LDHAL6A: variants seen among roughly 807,000 people sequenced by gnomAD.
LDHAL6A encodes the protein L-lactate dehydrogenase A-like 6A.
Under a neutral mutation model 28.2 loss-of-function variants are expected in LDHAL6A, and 19 were observed. The observed-to-expected ratio is 0.67, with a 90% CI of 0.47 to 0.99. The LOEUF (loss-of-function observed/expected upper bound fraction) is 0.99. Ranked by LOEUF, LDHAL6A falls within the 50% of genes least tolerant of loss-of-function variation. The pLI is 0.00. For synonymous variants in LDHAL6A, 144 were observed against 134.4 expected, an observed-to-expected ratio of 1.07 and a Z score of -0.49; for missense variants, 372 against 398.6, an observed-to-expected ratio of 0.93 and a Z score of 0.57.
intron 3 of LDHAL6A, among the ~76,000 whole-genome samples, chr11:18,467,918 TAC>T (rs1164319622): frequency 0.04 from 1,979 of 49,592 alleles, 103 homozygotes; most frequent in Middle Eastern, 0.081. Flanking sequence ...TATATATATA[TAC>T]ACACACATAT....
intron 1 of LDHAL6A, 45 bp from the exon 2 acceptor site, chr11:18,463,916 A>C: frequency 8.2e-7 from 1 of 1,222,538 alleles, no homozygotes; most frequent in Non-Finnish European, 1.2e-6. Flanking sequence ...TCTCCAGTTA[A>C]TCAAGAGATA....
chr11:18,464,987 G>GTTTTTTTTTT (rs1449560278), intron 2 of LDHAL6A, among the ~76,000 whole-genome samples: 4 of 104,352 alleles, frequency 3.8e-5, no homozygotes, highest in Non-Finnish European at 7.9e-5. Context: ...GTTTTTTTTT[G>GTTTTTTTTTT]TTTTGTTTTG....
chr11:18,465,694 A>C lies in LDHAL6A; in HGVS notation c.302A>C (p.Lys101Thr). The C allele has an allele frequency of 6.2e-7, 1 of 1,614,122 alleles. No individual in the cohort carries two copies. Residue 101 changes from lysine to threonine, a missense_variant, in exon 3 of 7, where the codon AAA (lysine) becomes ACA (threonine). Around this residue, in one of 3 missense-constraint regions of LDHAL6A, gnomAD observed 291 missense variants for 302.9 expected, o/e 0.96. Coordinates refer to ENST00000280706, the MANE Select transcript of LDHAL6A (RefSeq NM_144972.5). ...ATTATCACAGCAGGTGCACGCCAGA[A>C]AAAAGGAGAAACACGCCTTGATTTA... is the stretch of plus-strand genomic sequence containing the variant. The part of the protein sequence containing the change: ...LVIITAGARQ[K>T]KGETRLDLVQ...
chr11:18,462,017 G>T (rs1266631775), intron 1 of LDHAL6A, among the ~76,000 whole-genome samples: 1 of 151,476 alleles, frequency 6.6e-6, no homozygotes. Context: ...CAGATGTGGT[G>T]GCAGGCTCCT....
chr11:18,456,620 A>G lies in LDHAL6A; in HGVS notation c.-61A>G. ...ACCGCAGGTCTTGGAATTCCAAGCC[A>G]TTTCCAATTCCAGGTCTTGGAAATG... On this transcript the variant is annotated 5_prime_UTR_variant, in exon 1 of 7. Transcript: ENST00000280706. 2 of 1,564,940 alleles carry G rather than the reference A, an allele frequency of 1.3e-6. No homozygotes were observed. The highest frequency in any genetic ancestry group is 1.8e-6 in the Non-Finnish European group (2 of 1,138,826).
In LDHAL6A at chr11:18,464,070, C is replaced by T; in HGVS notation, c.236C>T (p.Ser79Phe). The T allele has an allele frequency of 6.3e-7, 1 of 1,590,882 alleles. No individual in the cohort carries two copies. The change falls in exon 2 of 7, where the codon TCC becomes TTC. Residue 79 changes from serine to phenylalanine, a missense_variant. Transcript: ENST00000280706. ...TTTATGAAAATGCCAAATATTGTCT[C>T]CAGCAAAGGTTAATGTCATAGTTAA... ...SPFMKMPNIV[S>F]SKDYLVTANS...
intron 3 of LDHAL6A, among the ~76,000 whole-genome samples, chr11:18,466,796 C>CT (rs1366963224): frequency 2.0e-5 from 3 of 152,144 alleles, no homozygotes; most frequent in African/African-American, 7.2e-5. Context: ...TACTGCCTGA[C>CT]TCTCCAAAAT....
chr11:18,470,335 T>C (rs1167359860), intron 3 of LDHAL6A, among the ~76,000 whole-genome samples: 1 of 152,214 alleles, frequency 6.6e-6, no homozygotes, highest in African/African-American at 2.4e-5. Context: ...CAGGACTGCC[T>C]TCAGATGCAG....
intron 3 of LDHAL6A, among the ~76,000 whole-genome samples, chr11:18,467,376 G>C (rs2133875190): frequency 6.6e-6 from 1 of 152,048 alleles, no homozygotes; most frequent in South Asian, 2.1e-4. Flanking sequence ...TCCTTTTATA[G>C]GTAACCATTT....
chr11:18,461,173 C>A (rs1222499645), intron 1 of LDHAL6A, among the ~76,000 whole-genome samples: 51 of 143,882 alleles, frequency 3.5e-4, no homozygotes, highest in African/African-American at 1.3e-3. Context: ...GAGACAGAAT[C>A]TCGCTCTGTT....
In LDHAL6A at chr11:18,476,464, G is replaced by C. The variant is rs377251361; in HGVS notation, c.673G>C (p.Glu225Gln). The C allele has an allele frequency of 1.2e-6, 2 of 1,614,072 alleles. No homozygotes were observed. The highest frequency in any genetic ancestry group is 1.3e-5 in the African/African-American group (1 of 75,056). Residue 225 changes from glutamate to glutamine, a missense_variant, in exon 5 of 7, where the codon GAG (glutamate) becomes CAG (glutamine). By Grantham distance (29) the Glu-to-Gln change is conservative. This residue lies in a region of LDHAL6A where 291 missense variants were observed against 302.9 expected (regional missense o/e 0.96). Transcript: ENST00000280706. ...AGATATAGGAACTGATAAAGATCCT[G>C]AGCAGTGGGAAAATGTCCACAAAAA... ...NPDIGTDKDP[E>Q]QWENVHKKVI...
intron 3 of LDHAL6A, among the ~76,000 whole-genome samples, chr11:18,467,459 A>G (rs955729547): frequency 1.1e-4 from 16 of 152,136 alleles, no homozygotes; most frequent in African/African-American, 3.9e-4. Context: ...TTAACTTAAT[A>G]TATCATGAAG....
At chr11:18,460,128 C>T (rs985783025) in intron 1 of LDHAL6A, among the ~76,000 whole-genome samples, 12 of 152,100 alleles carry the variant, frequency 7.9e-5, no homozygotes, top group Non-Finnish European at 1.5e-4. Context: ...TCCAGTAATT[C>T]GAATAGAGTA....
At chr11:18,473,182 T>G (rs1480498323) in intron 3 of LDHAL6A, among the ~76,000 whole-genome samples, 1 of 152,242 alleles carries the variant, frequency 6.6e-6, no homozygotes, top group East Asian at 1.9e-4. Flanking sequence ...AAAAGTAATT[T>G]ATACCATTTT....
rs982499814 is a variant in LDHAL6A at position 18,477,472 on chromosome 11, G to A, written c.711-148G>A. 27 of 668,430 alleles carry A rather than the reference G, an allele frequency of 4.0e-5. No homozygotes were observed. The East Asian group carries it at 6.9e-4, about 17-fold the overall frequency. 41.4% of individuals were successfully genotyped at this position (668,430 alleles called of 1,614,324 possible). ...AGACTTAAAAAAAAAAAAGAAGAAA[G>A]AAAAAATGCATACATACTACAAGTA... is the stretch of plus-strand genomic sequence containing the variant. On this transcript the variant is annotated intron_variant, in intron 5 of 6. Coordinates refer to ENST00000280706, the MANE Select transcript of LDHAL6A (RefSeq NM_144972.5).
rs1207344861 is a variant in LDHAL6A, at chr11:18,469,172, G to A, written c.418+3362G>A. On this transcript the variant is annotated intron_variant, in intron 3 of 6. Transcript: ENST00000280706. ...ATGACTCAGAGTTGTGAAGGCACCT[G>A]GTGGAGCTCCTTCATTAATTTCTCT... The A allele has an allele frequency of 6.3e-6, 4 of 633,950 alleles. No homozygotes were observed. The East Asian group carries it at 1.2e-4, about 19-fold the overall frequency. The allele number at this position is 633,950 out of a possible 1,614,324, so 39.3% of individuals were successfully genotyped here. A position where few individuals can be genotyped will look rare whatever the true frequency, so the allele number is the denominator to read the frequency against.
chr11:18,471,780 A>C (rs530751295), intron 3 of LDHAL6A, among the ~76,000 whole-genome samples: 2,031 of 151,140 alleles, frequency 0.013, 16 homozygotes, highest in Non-Finnish European at 0.017. Context: ...AAAAAAAAAA[A>C]AATTTTTTCC....
At chr11:18,461,777 G>T (rs555179527) in intron 1 of LDHAL6A, among the ~76,000 whole-genome samples, 1 of 151,168 alleles carries the variant, frequency 6.6e-6, no homozygotes, top group Non-Finnish European at 1.5e-5. Context: ...GCTTGAACCC[G>T]GGAAGGTGTG....
Position 18,468,052 on chromosome 11 carries a change from T to C in LDHAL6A, c.418+2242T>C, listed in dbSNP as rs1565071787. Among the ~76,000 whole-genome samples, 6 of 40,958 alleles carry C rather than the reference T, an allele frequency of 1.5e-4. 1 individual carries two copies. The highest frequency in any genetic ancestry group is 5.2e-4 in the African/African-American group (6 of 11,548). 26.9% of individuals were successfully genotyped at this position (40,958 alleles called of 152,430 possible). ...ATATATATATACATATATATACGTA[T>C]ATATATATACATATATATATATATA... On this transcript the variant is annotated intron_variant, in intron 3 of 6. Transcript: ENST00000280706.
Sources: gnomAD v4.1 joint callset for allele counts (sites outside exome capture counted in the v4.1 genomes callset) on GRCh38, gnomAD v4.1.1 for gene constraint, gnomAD v4.1.1 regional missense constraint, MANE v1.5 for transcripts, NCBI Gene and HGNC (gene_info 2026-07-23, HGNC 2026-07-21) for gene names.